The following AGBL1 variants were observed in gnomAD, a reference collection of about 807,000 sequenced individuals.
AGBL1 encodes the protein AGBL carboxypeptidase 1.
Under a neutral mutation model 118.9 loss-of-function variants are expected in AGBL1, and 130 were observed. That is an observed-to-expected ratio of 1.09 (90% CI 0.95 to 1.26). The LOEUF (loss-of-function observed/expected upper bound fraction) is 1.26. AGBL1 is among the 50% of genes most tolerant of loss of function. The probability of loss-of-function intolerance (pLI) is 0.00; values close to 1 mark genes in which losing one functional copy is unlikely to be tolerated. For missense variants in AGBL1, 1,584 were observed against 1,298.1 expected, an observed-to-expected ratio of 1.22 and a Z score of -3.38; for synonymous variants, 555 against 478.9, an observed-to-expected ratio of 1.16 and a Z score of -2.08.
intron 22 of AGBL1, among the ~76,000 whole-genome samples, chr15:86,764,476 A>G (rs1267943107): frequency 1.3e-5 from 2 of 152,044 alleles, no homozygotes; most frequent in Non-Finnish European, 2.9e-5. Flanking sequence ...GTGTTTATGT[A>G]TTTTAAAAGG....
chr15:86,845,923 C>G (rs539272977), intron 22 of AGBL1, among the ~76,000 whole-genome samples: 17 of 152,148 alleles, frequency 1.1e-4, no homozygotes, highest in Admixed American at 3.9e-4. Flanking sequence ...TTGTGTGACA[C>G]AGACCCAGTG....
intron 20 of AGBL1, among the ~76,000 whole-genome samples, chr15:86,552,015 C>T (rs1200860505): frequency 6.6e-6 from 1 of 152,110 alleles, no homozygotes; most frequent in East Asian, 1.9e-4. Flanking sequence ...ACAGGGGATT[C>T]TTAGGGCAGT....
intron 22 of AGBL1, among the ~76,000 whole-genome samples, chr15:86,709,180 C>A (rs1255830899): frequency 6.6e-6 from 1 of 152,154 alleles, no homozygotes; most frequent in Admixed American, 6.6e-5. Flanking sequence ...TTGTACTCAT[C>A]ATCTGAAGAC....
chr15:86,987,918 C>T (rs574128268), intron 23 of AGBL1: 12 of 1,537,002 alleles, frequency 7.8e-6, no homozygotes, highest in East Asian at 7.0e-5. Flanking sequence ...TAAAATCCAT[C>T]TATAATAATA....
chr15:86,455,128 T>C (rs1032632447), intron 18 of AGBL1, among the ~76,000 whole-genome samples: 1 of 152,322 alleles, frequency 6.6e-6, no homozygotes, highest in Admixed American at 6.5e-5. Context: ...GAATAGCAGC[T>C]GATGATAAAA....
In AGBL1 at chr15:86,582,900, T is replaced by A. The variant is rs186447256; in HGVS notation, c.2994+28363T>A. On this transcript the variant is annotated intron_variant, in intron 21 of 22. Coordinates refer to ENST00000614907, the MANE Select transcript of AGBL1 (RefSeq NM_001386094.1). The stretch of plus-strand genomic sequence containing the variant: ...GGGGGAGGGATAGCATTAGTAGATA[T>A]ACCTAATGCTAAATGACGAGTTAAT... 5.9e-3 allele frequency among the ~76,000 whole-genome samples: 894 copies of A among 151,492 alleles called. 7 individuals carry two copies. The highest frequency in any genetic ancestry group is 0.021 in the African/African-American group (854 of 41,274).
chr15:86,475,728 A>G (rs1192066256), intron 18 of AGBL1, among the ~76,000 whole-genome samples: 1 of 152,334 alleles, frequency 6.6e-6, no homozygotes, highest in African/African-American at 2.4e-5. Context: ...AGAGAATGCC[A>G]CAAAGATACT....
chr15:86,535,543 G>A (rs529283274), intron 19 of AGBL1, among the ~76,000 whole-genome samples: 47 of 152,336 alleles, frequency 3.1e-4, no homozygotes, highest in African/African-American at 1.1e-3. Flanking sequence ...CACTATGTGA[G>A]TGCATTTTGG....
intron 18 of AGBL1, among the ~76,000 whole-genome samples, chr15:86,435,519 G>T (rs1041268804): frequency 6.6e-6 from 1 of 152,160 alleles, no homozygotes; most frequent in Non-Finnish European, 1.5e-5. Context: ...AATTTTAAAA[G>T]AATAATCTCC....
rs2080368441 is a variant in AGBL1 at position 86,912,751 on chromosome 15, A to G, written c.*5457A>G. On this transcript the variant is annotated 3_prime_UTR_variant, in exon 23 of 23. Transcript: ENST00000614907. Reference sequence around the variant, plus strand: ...AAGTCATCCTTGTTAGGGCCACAGAAGAATGACTCGCATGGTGGATCTCAG... The same window carrying G: ...AAGTCATCCTTGTTAGGGCCACAGAGGAATGACTCGCATGGTGGATCTCAG... 6.6e-6 allele frequency: 1 copy of G among 152,244 alleles called. No homozygotes were observed. Among genetic ancestry groups the G allele is most frequent in the East Asian group, 1.9e-4 (1 of 5,186 alleles). 9.4% of individuals were successfully genotyped at this position (152,244 alleles called of 1,614,324 possible).
intron 2 of AGBL1, 149 bp downstream of exon 2, chr15:86,142,216 G>C: frequency 2.7e-6 from 2 of 740,720 alleles, no homozygotes; most frequent in South Asian, 1.9e-5. Context: ...TTTTCTCTAA[G>C]GTTAATAAGA....
chr15:86,447,405 G>A (rs1460234704), intron 18 of AGBL1, among the ~76,000 whole-genome samples: 1 of 152,186 alleles, frequency 6.6e-6, no homozygotes, highest in African/African-American at 2.4e-5. Flanking sequence ...GCCATGTGTA[G>A]CCTGAGAATG....
At chr15:86,974,320 T>A (rs866694864) in intron 23 of AGBL1, among the ~76,000 whole-genome samples, 1 of 85,380 alleles carries the variant, frequency 1.2e-5, no homozygotes, top group Non-Finnish European at 2.0e-5. Flanking sequence ...CATTTTAATA[T>A]ATTAAATATA....
intron 1 of AGBL1, among the ~76,000 whole-genome samples, chr15:86,090,198 C>A (rs1270961763): frequency 6.6e-6 from 1 of 152,100 alleles, no homozygotes; most frequent in Non-Finnish European, 1.5e-5. Flanking sequence ...CACTGGCAGT[C>A]TGACTCCAGA....
chr15:86,286,695 ATG>A (rs1555461141), intron 16 of AGBL1, among the ~76,000 whole-genome samples: 1 of 120,052 alleles, frequency 8.3e-6, no homozygotes, highest in Non-Finnish European at 1.8e-5. Flanking sequence ...GTATATATAT[ATG>A]TGTGTGTGTA....
intron 21 of AGBL1, 22 bp downstream of exon 21, chr15:86,554,559 C>G (rs1355742379): frequency 6.9e-7 from 1 of 1,447,332 alleles, no homozygotes; most frequent in East Asian, 2.7e-5. Context: ...TGCAGGACAC[C>G]CATACTTTCT....
intron 22 of AGBL1, among the ~76,000 whole-genome samples, chr15:86,730,096 T>C (rs1596414353): frequency 6.6e-6 from 1 of 152,348 alleles, no homozygotes; most frequent in East Asian, 1.9e-4. Flanking sequence ...AGATTGAAAC[T>C]GGACTCTTCC....
Position 86,397,412 on chromosome 15 carries a change from G to T in AGBL1, c.2421G>T (p.Glu807Asp). 1.2e-6 allele frequency: 2 copies of T among 1,613,058 alleles called. No individual in the cohort carries two copies. The highest frequency in any genetic ancestry group is 2.2e-5 in the South Asian group (2 of 90,996). Residue 807 changes from glutamate (E) to aspartate (D), a missense_variant, in exon 18 of 23, where the codon GAG (glutamate) becomes GAT (aspartate). Transcript: ENST00000614907. Reference protein sequence around the residue: ...QVITARVHPGESNASWVMKGT... With the variant: ...QVITARVHPGDSNASWVMKGT... ...TCACTGCTCGAGTTCATCCAGGAGAGAGCAATGCCAGTTGGGTGATGAAGG... is the reference window on the plus strand; with the variant it reads ...TCACTGCTCGAGTTCATCCAGGAGATAGCAATGCCAGTTGGGTGATGAAGG...
At chr15:86,432,104 T>C (rs1048187704) in intron 18 of AGBL1, among the ~76,000 whole-genome samples, 2 of 152,162 alleles carry the variant, frequency 1.3e-5, no homozygotes, top group Non-Finnish European at 2.9e-5. Context: ...TTCTGTTTGC[T>C]AAGGACCTGG....
Sources: allele counts gnomAD v4.1 joint callset (sites outside exome capture counted in the v4.1 genomes callset), GRCh38; gene constraint gnomAD v4.1.1; transcripts MANE v1.5; gene names NCBI Gene and HGNC (gene_info 2026-07-23, HGNC 2026-07-21).